Variants in SYT16 observed in about 807,000 individuals in gnomAD.
SYT16 encodes synaptotagmin-16.
A neutral mutation model predicts 61.4 loss-of-function variants in SYT16; 42 were observed. That is an observed-to-expected ratio of 0.68 (90% confidence interval 0.53 to 0.89). The LOEUF (loss-of-function observed/expected upper bound fraction) is 0.89. SYT16 is among the 40% of genes least tolerant of loss of function. The pLI is 0.00. For missense variants in SYT16, 804 were observed against 807.3 expected, an observed-to-expected ratio of 1.00 and a Z score of 0.05; for synonymous variants, 314 against 302.3, an observed-to-expected ratio of 1.04 and a Z score of -0.40.
At chr14:62,075,498 CA>C in intron 5 of SYT16, 107 bp downstream of exon 5, 1 of 1,288,922 alleles carries the variant, frequency 7.8e-7, no homozygotes, top group Non-Finnish European at 1.0e-6. Context: ...AGAAAGGAAG[CA>C]TTACTTTTAT....
At chr14:61,918,486 G>C (rs2049204428) in intron 1 of SYT16, among the ~76,000 whole-genome samples, 1 of 152,096 alleles carries the variant, frequency 6.6e-6, no homozygotes, top group African/African-American at 2.4e-5. Flanking sequence ...CAGTGATGAG[G>C]GGACTGAGGG....
intron 1 of SYT16, among the ~76,000 whole-genome samples, chr14:61,837,758 T>G (rs1282857595): frequency 1.3e-5 from 2 of 152,240 alleles, no homozygotes; most frequent in East Asian, 1.9e-4. Context: ...TTGGATGCTA[T>G]GCTTCTGGCG....
At chr14:62,100,178 G>A (rs1231738311) in intron 7 of SYT16, among the ~76,000 whole-genome samples, 7 of 152,306 alleles carry the variant, frequency 4.6e-5, no homozygotes, top group Non-Finnish European at 1.0e-4. Flanking sequence ...TGGATAGTGA[G>A]CCACATGAAA....
chr14:61,882,006 T>G (rs1310365372), intron 1 of SYT16, among the ~76,000 whole-genome samples: 2 of 152,216 alleles, frequency 1.3e-5, no homozygotes, highest in East Asian at 3.8e-4. Context: ...TTTGCATTCT[T>G]CTGGCATGCC....
At chr14:61,859,160 GC>G (rs1481744686) in intron 1 of SYT16, among the ~76,000 whole-genome samples, 1 of 151,992 alleles carries the variant, frequency 6.6e-6, no homozygotes, top group Non-Finnish European at 1.5e-5. Context: ...CGCCCGGCCA[GC>G]CCCAAATCAT....
chr14:61,829,147 G>C (rs1400157650), intron 1 of SYT16, among the ~76,000 whole-genome samples: 1 of 152,098 alleles, frequency 6.6e-6, no homozygotes, highest in Non-Finnish European at 1.5e-5. Context: ...TTTTATGAGT[G>C]ATATTTTAGT....
chr14:62,020,942 TCTTG>T (rs1373752478), intron 3 of SYT16, among the ~76,000 whole-genome samples: 1 of 152,208 alleles, frequency 6.6e-6, no homozygotes, highest in Non-Finnish European at 1.5e-5. Flanking sequence ...TTTTATTCTT[TCTTG>T]GAGTGTGAGC....
At chr14:62,086,369 A>G (rs1036977325) in intron 7 of SYT16, among the ~76,000 whole-genome samples, 2 of 152,264 alleles carry the variant, frequency 1.3e-5, no homozygotes, top group Non-Finnish European at 1.5e-5. Context: ...AATCCCAGCT[A>G]CTTGGGAGGC....
intron 1 of SYT16, among the ~76,000 whole-genome samples, chr14:61,910,936 T>C (rs2048912021): frequency 6.6e-6 from 1 of 152,198 alleles, no homozygotes; most frequent in Non-Finnish European, 1.5e-5. Context: ...TTTCCGAAGT[T>C]GTTTTCCTAT....
chr14:62,097,074 G>C (rs2057296712), intron 7 of SYT16, among the ~76,000 whole-genome samples: 1 of 152,048 alleles, frequency 6.6e-6, no homozygotes. Context: ...TATTTTGTGG[G>C]GGCTGTTTAA....
intron 1 of SYT16, among the ~76,000 whole-genome samples, chr14:61,961,588 A>G (rs186209768): frequency 1.4e-4 from 21 of 152,228 alleles, no homozygotes; most frequent in African/African-American, 3.9e-4. Context: ...ACCAGTCACA[A>G]TGAATATTAT....
At position 62,107,578 on chromosome 14, in the gene SYT16, A is replaced by G. The variant is rs554509175; in HGVS notation, c.*6871A>G. On this transcript the variant is annotated 3_prime_UTR_variant, in exon 8 of 8. Coordinates refer to ENST00000683842, the MANE Select transcript of SYT16 (RefSeq NM_001367656.1). The stretch of plus-strand genomic sequence containing the variant: ...TATTCTTTTTAAAAACTAGAGTCTG[A>G]TAAGAAATCTAGGTAAATAATAAGA... 6.6e-6 allele frequency: 1 copy of G among 152,218 alleles called. No homozygotes were observed. Among genetic ancestry groups the G allele is most frequent in the Non-Finnish European group, 1.5e-5 (1 of 68,032 alleles). The allele number at this position is 152,218 out of a possible 1,614,324, so 9.4% of individuals were successfully genotyped here. A position where few individuals can be genotyped will look rare whatever the true frequency, so the allele number is the denominator to read the frequency against.
At chr14:61,823,574 CAAAAAAA>C (rs55935256) in intron 1 of SYT16, among the ~76,000 whole-genome samples, 2 of 71,046 alleles carry the variant, frequency 2.8e-5, no homozygotes, top group South Asian at 5.6e-4. Flanking sequence ...ACTAAAAATA[CAAAAAAA>C]AAAAAAAAAA....
chr14:62,074,909 A>T (rs1263031287), intron 4 of SYT16, among the ~76,000 whole-genome samples: 1 of 152,204 alleles, frequency 6.6e-6, no homozygotes, highest in Non-Finnish European at 1.5e-5. Context: ...ACTCATATTT[A>T]AAAAGTATTA....
intron 1 of SYT16, among the ~76,000 whole-genome samples, chr14:61,932,712 G>A (rs2049823837): frequency 6.6e-6 from 1 of 152,134 alleles, no homozygotes; most frequent in Non-Finnish European, 1.5e-5. Context: ...TTGACATGGG[G>A]CACACAGATA....
chr14:61,972,951 C>G (rs1345465929), intron 2 of SYT16, among the ~76,000 whole-genome samples: 1 of 152,150 alleles, frequency 6.6e-6, no homozygotes, highest in Non-Finnish European at 1.5e-5. Context: ...AACTTCTTCT[C>G]TAGCTTTCAG....
chr14:62,030,107 A>C (rs1474710456), intron 3 of SYT16, among the ~76,000 whole-genome samples: 2 of 152,214 alleles, frequency 1.3e-5, no homozygotes, highest in African/African-American at 4.8e-5. Flanking sequence ...AGCACAGATA[A>C]GCTGTAAGAT....
intron 1 of SYT16, among the ~76,000 whole-genome samples, chr14:61,920,757 T>C (rs2049303343): frequency 6.6e-6 from 1 of 152,236 alleles, no homozygotes; most frequent in Non-Finnish European, 1.5e-5. Flanking sequence ...GATTATTTAC[T>C]GGATGTGTCA....
At chr14:61,945,009 A>G (rs1044722804) in intron 1 of SYT16, among the ~76,000 whole-genome samples, 5 of 152,258 alleles carry the variant, frequency 3.3e-5, no homozygotes, top group African/African-American at 1.2e-4. Context: ...GCTAATATCC[A>G]GAATGTACAA....
Sources: gnomAD v4.1 joint callset for allele counts (sites outside exome capture counted in the v4.1 genomes callset) on GRCh38, gnomAD v4.1.1 for gene constraint, MANE v1.5 for transcripts, NCBI Gene and HGNC (gene_info 2026-07-23, HGNC 2026-07-21) for gene names.